The following TNFAIP8 variants were observed in gnomAD, a reference collection of about 807,000 sequenced individuals.
TNFAIP8 encodes the protein tumor necrosis factor alpha-induced protein 8.
TNFAIP8 carries 7 observed loss-of-function variants against 13.3 expected under a neutral mutation model. The ratio of observed to expected loss-of-function variants is 0.52; its 90% confidence interval spans 0.30 to 0.99. TNFAIP8 has a LOEUF of 0.99. Ranked by LOEUF, TNFAIP8 falls within the 50% of genes least tolerant of loss-of-function variation. The pLI is 0.07. For synonymous variants in TNFAIP8, 94 were observed against 87.6 expected, an observed-to-expected ratio of 1.07 and a Z score of -0.41; for missense variants, 258 against 236.9, an observed-to-expected ratio of 1.09 and a Z score of -0.58.
At position 119,393,357 on chromosome 5, in the gene TNFAIP8, A is replaced by C. The variant is rs1362643861; in HGVS notation, c.573A>C (p.Lys191Asn). ...AAAAACTATGTGATGGTATCAACAA[A>C]ATGTTGGATGAAGAGAACATATGAG... ...HLQKLCDGIN[K>N]MLDEENI is the part of the protein sequence containing the mutation. Residue 191 changes from lysine (K) to asparagine (N), a missense_variant, in exon 2 of 2, where the codon AAA becomes AAC. Physicochemically the swap from Lys to Asn is moderately conservative, Grantham distance 94. Coordinates refer to ENST00000504771, the MANE Select transcript of TNFAIP8 (RefSeq NM_014350.4). The C allele has an allele frequency of 3.7e-6, 6 of 1,613,486 alleles. No homozygotes were observed. Among genetic ancestry groups the C allele is most frequent in the African/African-American group, 1.3e-5 (1 of 74,884 alleles).
intron 1 of TNFAIP8, among the ~76,000 whole-genome samples, chr5:119,269,994 A>T (rs1043294662): frequency 6.6e-6 from 1 of 152,174 alleles, no homozygotes; most frequent in Non-Finnish European, 1.5e-5. Flanking sequence ...TATTCTTGCT[A>T]CTTTCTTGCT....
chr5:119,321,573 G>A (rs1438802063), intron 1 of TNFAIP8, among the ~76,000 whole-genome samples: 1 of 152,118 alleles, frequency 6.6e-6, no homozygotes, highest in Non-Finnish European at 1.5e-5. Flanking sequence ...GCAGCTCTCA[G>A]GCCACAAGCC....
intron 1 of TNFAIP8, among the ~76,000 whole-genome samples, chr5:119,360,945 A>C (rs1386804915): frequency 1.3e-5 from 2 of 152,142 alleles, no homozygotes; most frequent in East Asian, 1.9e-4. Flanking sequence ...TTGTAGACCA[A>C]GTGAGAGGCA....
chr5:119,272,216 A>G (rs1748312450), intron 1 of TNFAIP8, among the ~76,000 whole-genome samples: 1 of 152,190 alleles, frequency 6.6e-6, no homozygotes, highest in South Asian at 2.1e-4. Context: ...CTTACACCAT[A>G]TGGTTGCTAT....
At chr5:119,373,972 T>C (rs555648523) in intron 1 of TNFAIP8, among the ~76,000 whole-genome samples, 6 of 152,320 alleles carry the variant, frequency 3.9e-5, no homozygotes, top group Admixed American at 1.3e-4. Flanking sequence ...GTGTTTTTTT[T>C]CCTCATTGAA....
In TNFAIP8 at chr5:119,391,304, T is replaced by C. The variant is rs1481169416; in HGVS notation, c.32-1512T>C. On this transcript the variant is annotated intron_variant, in intron 1 of 1. Coordinates refer to ENST00000504771, the MANE Select transcript of TNFAIP8 (RefSeq NM_014350.4). ...TCATTGATGCCTTGACTCATTTGTA[T>C]GTATCTGTATTTTTAAACTTTTTAT... is the stretch of plus-strand genomic sequence containing the variant. The C allele has an allele frequency of 8.6e-6, 6 of 694,532 alleles. No homozygotes were observed. In the African/African-American group the frequency reaches 1.1e-4, roughly 12 times the overall value. 43.0% of individuals were successfully genotyped at this position (694,532 alleles called of 1,614,324 possible). A position where few individuals can be genotyped will look rare whatever the true frequency, so the allele number is the denominator to read the frequency against.
chr5:119,382,178 T>C (rs978579212), intron 1 of TNFAIP8, among the ~76,000 whole-genome samples: 1 of 152,206 alleles, frequency 6.6e-6, no homozygotes, highest in African/African-American at 2.4e-5. Flanking sequence ...TTCTTTGAAG[T>C]CAATCTCCTT....
chr5:119,308,511 G>A (rs17145134), intron 1 of TNFAIP8, among the ~76,000 whole-genome samples: 4,804 of 151,796 alleles, frequency 0.032, 263 homozygotes, highest in African/African-American at 0.11. Flanking sequence ...TTGGGAGGAG[G>A]TCTTAAACAG....
At chr5:119,382,717 C>G (rs1036719488) in intron 1 of TNFAIP8, among the ~76,000 whole-genome samples, 5 of 152,172 alleles carry the variant, frequency 3.3e-5, no homozygotes, top group African/African-American at 1.2e-4. Context: ...TAATTTGCTC[C>G]AGGCACATGA....
intron 1 of TNFAIP8, among the ~76,000 whole-genome samples, chr5:119,338,210 A>ACACACACACACC (rs1366073474): frequency 2.3e-5 from 3 of 130,626 alleles, no homozygotes; most frequent in African/African-American, 4.1e-5. Context: ...ACACACACAC[A>ACACACACACACC]CCTTCTCAGC....
chr5:119,339,940 GC>G (rs1443234929), intron 1 of TNFAIP8, among the ~76,000 whole-genome samples: 6 of 152,164 alleles, frequency 3.9e-5, no homozygotes, highest in African/African-American at 1.4e-4. Flanking sequence ...TTTGGAAGCT[GC>G]ACACAAATAA....
intron 1 of TNFAIP8, among the ~76,000 whole-genome samples, chr5:119,381,377 C>T (rs747698867): frequency 8.6e-5 from 13 of 151,878 alleles, no homozygotes; most frequent in Admixed American, 2.6e-4. Context: ...CCTGTCTCTA[C>T]CCAAAAAAAT....
chr5:119,275,834 C>G (rs917929657), intron 1 of TNFAIP8, among the ~76,000 whole-genome samples: 4 of 151,492 alleles, frequency 2.6e-5, no homozygotes, highest in South Asian at 2.1e-4. Flanking sequence ...TTTTTCCCCT[C>G]TAGATTTAAA....
At chr5:119,303,373 C>T (rs1374156035) in intron 1 of TNFAIP8, among the ~76,000 whole-genome samples, 1 of 152,124 alleles carries the variant, frequency 6.6e-6, no homozygotes, top group African/African-American at 2.4e-5. Context: ...GGTGTTTCAC[C>T]TCCTTCCTTC....
At chr5:119,304,446 C>T (rs937789304) in intron 1 of TNFAIP8, among the ~76,000 whole-genome samples, 3 of 152,206 alleles carry the variant, frequency 2.0e-5, no homozygotes, top group Non-Finnish European at 4.4e-5. Context: ...TGAACTGTTT[C>T]TTACCTCTAA....
At position 119,385,061 on chromosome 5, in the gene TNFAIP8, C is replaced by T. The variant is rs140045562; in HGVS notation, c.32-7755C>T. ...CTGTTTTCTTCAAGGCATCATTTTT[C>T]TTGTCCACGAATTTGGCAAATAAGG... On this transcript the variant is annotated intron_variant, in intron 1 of 1. Coordinates refer to ENST00000504771, the MANE Select transcript of TNFAIP8 (RefSeq NM_014350.4). Among the ~76,000 whole-genome samples, 7 of 152,328 alleles carry T rather than the reference C, an allele frequency of 4.6e-5. No homozygotes were observed. The East Asian group carries it at 1.3e-3, about 29-fold the overall frequency.
chr5:119,295,034 T>C (rs1581578974), intron 1 of TNFAIP8, among the ~76,000 whole-genome samples: 1 of 152,190 alleles, frequency 6.6e-6, no homozygotes, highest in Non-Finnish European at 1.5e-5. Flanking sequence ...GTGCAGAAGC[T>C]CTTTACTTTA....
At chr5:119,326,256 G>A (rs1750222033) in intron 1 of TNFAIP8, among the ~76,000 whole-genome samples, 1 of 152,200 alleles carries the variant, frequency 6.6e-6, no homozygotes, top group African/African-American at 2.4e-5. Flanking sequence ...GCCAAACATG[G>A]CTATCTCTTG....
chr5:119,379,606 A>T (rs1397534763), intron 1 of TNFAIP8, among the ~76,000 whole-genome samples: 5 of 151,610 alleles, frequency 3.3e-5, no homozygotes, highest in Non-Finnish European at 7.4e-5. Context: ...ATTTGATTTG[A>T]TTTGAGACAG....
Sources: gnomAD v4.1 joint callset for allele counts (sites outside exome capture counted in the v4.1 genomes callset) on GRCh38, gnomAD v4.1.1 for gene constraint, MANE v1.5 for transcripts, NCBI Gene and HGNC (gene_info 2026-07-23, HGNC 2026-07-21) for gene names.